The following FBXL13 variants were observed in gnomAD, a reference collection of about 807,000 sequenced individuals.
FBXL13 encodes the protein F-box and leucine rich repeat protein 13.
A neutral mutation model predicts 83.6 loss-of-function variants in FBXL13; 67 were observed. The ratio of observed to expected loss-of-function variants is 0.80; its 90% confidence interval spans 0.66 to 0.98. The LOEUF is 0.98. Among genes scored for constraint, FBXL13 ranks in the 50% least tolerant of loss-of-function variants. The pLI, the probability that FBXL13 is intolerant of heterozygous loss-of-function variation, is 0.00. For missense variants in FBXL13, 822 were observed against 866.5 expected (o/e 0.95, Z 0.64); for synonymous variants, 272 against 299.5 (o/e 0.91, Z 0.95).
At chr7:102,975,771 CA>C in intron 6 of FBXL13, 1 of 592,444 alleles carries the variant, frequency 1.7e-6, no homozygotes, top group Non-Finnish European at 3.0e-6. Flanking sequence ...AACTTGACAA[CA>C]GCCCTCAAAC....
In FBXL13 at chr7:102,886,979, G is replaced by T. The variant is rs549934044; in HGVS notation, c.1009-2667C>A. ...ATTGTGCTACAGAAGCCAGGCCTTTGGGTGGGATTATACTTGGATAATTTT... is the reference window on the plus strand; with the variant it reads ...ATTGTGCTACAGAAGCCAGGCCTTTTGGTGGGATTATACTTGGATAATTTT... On this transcript the variant is annotated intron_variant, in intron 11 of 19. Coordinates refer to ENST00000313221, the Ensembl canonical transcript of FBXL13. Among the ~76,000 whole-genome samples, 6 of 152,164 alleles carry T rather than the reference G, an allele frequency of 3.9e-5. No homozygotes were observed. The East Asian group carries it at 9.6e-4, about 24-fold the overall frequency.
At chr7:102,892,809 T>C (rs1356616885) in intron 11 of FBXL13, among the ~76,000 whole-genome samples, 1 of 152,226 alleles carries the variant, frequency 6.6e-6, no homozygotes, top group African/African-American at 2.4e-5. Context: ...TTCTTGAGGA[T>C]ATTAATGTCT....
intron 17 of FBXL13, among the ~76,000 whole-genome samples, chr7:102,834,084 A>AAGGAAGGAAGGAAGGAAG (rs1562925752): frequency 4.9e-5 from 5 of 101,146 alleles, no homozygotes; most frequent in East Asian, 2.8e-4. Context: ...AAGGAAGGAA[A>AAGGAAGGAAGGAAGGAAG]GAAAAGAAAG....
chr7:102,930,654 C>T (rs1427448941), intron 9 of FBXL13, among the ~76,000 whole-genome samples: 1 of 152,206 alleles, frequency 6.6e-6, no homozygotes, highest in African/African-American at 2.4e-5. Flanking sequence ...TGTGATACCT[C>T]TTCATTGTCA....
intron 1 of FBXL13, among the ~76,000 whole-genome samples, chr7:103,070,255 A>C (rs894357664): frequency 1.3e-5 from 2 of 152,094 alleles, no homozygotes; most frequent in African/African-American, 4.8e-5. Flanking sequence ...TTTTAGAGAC[A>C]CAGTCTCACT....
chr7:102,922,183 C>G (rs1365352210), intron 10 of FBXL13, among the ~76,000 whole-genome samples: 1 of 147,568 alleles, frequency 6.8e-6, no homozygotes, highest in Admixed American at 6.8e-5. Flanking sequence ...GAGGAAGACT[C>G]TGTCTCAAAA....
chr7:102,913,346 C>T (rs1004888518), intron 10 of FBXL13, 131 bp from the exon 12 acceptor site: 2 of 1,059,700 alleles, frequency 1.9e-6, no homozygotes, highest in African/African-American at 3.2e-5. Context: ...TTTAACTTTA[C>T]TGTTAACTCT....
In FBXL13 at chr7:102,831,213, CTTAG is replaced by C. The variant is rs147908712; in HGVS notation, c.1854+1623_1854+1626del. On this transcript the variant is annotated intron_variant, in intron 18 of 19. Coordinates refer to ENST00000313221, the Ensembl canonical transcript of FBXL13. ...TATCTCTGCACTCAGCATTGAGTCA[CTTAG>C]TTAGCCTAGCAACCCTCTGTTTTAG... is the stretch of plus-strand genomic sequence containing the variant. Among the ~76,000 whole-genome samples the C allele has an allele frequency of 7.1e-3, 1,084 of 152,276 alleles. 17 individuals carry two copies. The highest frequency in any genetic ancestry group is 0.025 in the African/African-American group (1,029 of 41,546).
chr7:102,837,303 G>A (rs769838235), intron 17 of FBXL13, among the ~76,000 whole-genome samples: 43 of 152,196 alleles, frequency 2.8e-4, no homozygotes, highest in Non-Finnish European at 5.1e-4. Flanking sequence ...AAACCAGGCT[G>A]AGCAAGGCTT....
intron 2 of FBXL13, among the ~76,000 whole-genome samples, chr7:103,038,584 G>A (rs1233014602): frequency 6.6e-6 from 1 of 152,208 alleles, no homozygotes; most frequent in Admixed American, 6.5e-5. Context: ...ACCTCAAACA[G>A]GCGGGTGCCC....
At chr7:102,855,517 A>G (rs1332885203) in intron 16 of FBXL13, among the ~76,000 whole-genome samples, 5 of 152,066 alleles carry the variant, frequency 3.3e-5, no homozygotes, top group African/African-American at 1.2e-4. Flanking sequence ...TCAGATAAGG[A>G]ACTGACTAAT....
intron 11 of FBXL13, among the ~76,000 whole-genome samples, chr7:102,910,932 G>A: frequency 6.6e-6 from 1 of 152,154 alleles, no homozygotes; most frequent in East Asian, 1.9e-4. Flanking sequence ...CCAATTTTTT[G>A]CATTTCTGGT....
chr7:102,898,864 T>G (rs1812612226), intron 11 of FBXL13, among the ~76,000 whole-genome samples: 1 of 152,204 alleles, frequency 6.6e-6, no homozygotes, highest in Non-Finnish European at 1.5e-5. Context: ...AGGCTCTCCC[T>G]AAAGCACATC....
At chr7:102,835,019 T>C (rs192585697) in intron 17 of FBXL13, among the ~76,000 whole-genome samples, 3 of 152,254 alleles carry the variant, frequency 2.0e-5, no homozygotes, top group Non-Finnish European at 4.4e-5. Context: ...CTATCAGGAT[T>C]TGCACATGAC....
intron 19 of FBXL13, 105 bp downstream of exon 20, chr7:102,821,935 T>C: frequency 8.1e-7 from 1 of 1,228,676 alleles, no homozygotes; most frequent in Non-Finnish European, 1.1e-6. Context: ...GAAATGAAAC[T>C]TCCTAACACT....
exon 14 of FBXL13, chr7:102,883,321 A>G: frequency 6.2e-7 from 1 of 1,611,466 alleles, no homozygotes; most frequent in South Asian, 1.1e-5. Context: ...CAATTTGCCA[A>G]ATTCAACACA....
At chr7:103,061,538 G>A (rs571496622) in intron 1 of FBXL13, among the ~76,000 whole-genome samples, 1 of 152,252 alleles carries the variant, frequency 6.6e-6, no homozygotes, top group Admixed American at 6.5e-5. Context: ...ATGAGTTAGT[G>A]TATCCAGCTC....
chr7:102,991,870 T>C (rs1036243831), intron 6 of FBXL13, among the ~76,000 whole-genome samples: 1 of 152,146 alleles, frequency 6.6e-6, no homozygotes, highest in African/African-American at 2.4e-5. Flanking sequence ...GTGTGAGTCA[T>C]GCCTGTAAGA....
intron 17 of FBXL13, among the ~76,000 whole-genome samples, chr7:102,841,201 A>C (rs1802868259): frequency 6.6e-6 from 1 of 152,136 alleles, no homozygotes; most frequent in South Asian, 2.1e-4. Context: ...AAACATTCTG[A>C]TGTTTATTTT....
Sources: gnomAD v4.1 joint callset for allele counts (sites outside exome capture counted in the v4.1 genomes callset) on GRCh38, gnomAD v4.1.1 for gene constraint, MANE v1.5 for transcripts, NCBI Gene and HGNC (gene_info 2026-07-23, HGNC 2026-07-21) for gene names.